Variants in KIAA0232 observed in about 807,000 individuals in gnomAD.
KIAA0232 encodes the protein KIAA0232.
In KIAA0232, 27 loss-of-function variants were observed where a neutral mutation model predicts 122.0. The observed-to-expected ratio is 0.22, with a 90% CI of 0.16 to 0.31. KIAA0232 has a LOEUF of 0.31. Among genes scored for constraint, KIAA0232 ranks in the 10% least tolerant of loss-of-function variants. The probability of loss-of-function intolerance (pLI) is 1.00; values close to 1 mark genes in which losing one functional copy is unlikely to be tolerated. For missense variants in KIAA0232, 1,551 were observed against 1,634.2 expected (o/e 0.95, Z 0.88); for synonymous variants, 613 against 587.6 (o/e 1.04, Z -0.63).
At chr4:6,797,914 C>T (rs888823558) in intron 1 of KIAA0232, among the ~76,000 whole-genome samples, 6 of 151,814 alleles carry the variant, frequency 4.0e-5, no homozygotes, top group African/African-American at 7.3e-5. Context: ...AAAAAATAGC[C>T]GGGCACAGTG....
At position 6,863,852 on chromosome 4, in the gene KIAA0232, A is replaced by G. The variant is rs535776558; in HGVS notation, c.3470A>G (p.Asp1157Gly). Residue 1157 changes from aspartate (D) to glycine (G), a missense_variant, in exon 7 of 10, where the codon GAT (aspartate) becomes GGT (glycine). Coordinates refer to ENST00000307659, the MANE Select transcript of KIAA0232 (RefSeq NM_014743.3). ...GCAGATCTCAAACCTTTGGAAGAAG[A>G]TGCAGAGAAAGAAGGCCATTACTAT... is the stretch of plus-strand genomic sequence containing the variant. Reference protein sequence around the residue: ...PQADLKPLEEDAEKEGHYYGK... With the variant: ...PQADLKPLEEGAEKEGHYYGK... 1 of 1,614,210 alleles carries G rather than the reference A, an allele frequency of 6.2e-7. No individual in the cohort carries two copies. The highest frequency in any genetic ancestry group is 2.2e-5 in the East Asian group (1 of 44,884).
rs149508515 is a variant in KIAA0232 at position 6,852,531 on chromosome 4, C to G, written c.370-4633C>G. On this transcript the variant is annotated intron_variant, in intron 4 of 9. Coordinates refer to ENST00000307659, the MANE Select transcript of KIAA0232 (RefSeq NM_014743.3). The stretch of plus-strand genomic sequence containing the variant: ...GTTTCCTACCACTAATCTTCCAACT[C>G]TGCTTTAAAGCTAAAGACTAAGATC... Among the ~76,000 whole-genome samples the G allele has an allele frequency of 7.2e-5, 11 of 152,248 alleles. No individual in the cohort carries two copies. In the East Asian group the frequency reaches 1.9e-3, roughly 27 times the overall value.
At chr4:6,796,550 CTTT>C (rs979555018) in intron 1 of KIAA0232, among the ~76,000 whole-genome samples, 2 of 152,136 alleles carry the variant, frequency 1.3e-5, no homozygotes, top group African/African-American at 4.8e-5. Flanking sequence ...CCATATTGTT[CTTT>C]TTTAAGTGAG....
intron 1 of KIAA0232, among the ~76,000 whole-genome samples, chr4:6,794,160 G>A (rs915855330): frequency 5.9e-5 from 9 of 152,226 alleles, no homozygotes; most frequent in African/African-American, 2.2e-4. Flanking sequence ...GAGAGGAGAG[G>A]AAGAGTGGCT....
At chr4:6,815,664 A>AG (rs1718086860) in intron 2 of KIAA0232, among the ~76,000 whole-genome samples, 1 of 152,208 alleles carries the variant, frequency 6.6e-6, no homozygotes, top group Non-Finnish European at 1.5e-5. Flanking sequence ...GTCTGAAGCT[A>AG]CTTGTCAGCC....
In KIAA0232 at chr4:6,861,819, G is replaced by C. The variant is rs1275716804; in HGVS notation, c.1437G>C (p.Glu479Asp). 2.5e-6 allele frequency: 4 copies of C among 1,613,898 alleles called. No individual in the cohort carries two copies. Among genetic ancestry groups the C allele is most frequent in the Non-Finnish European group, 3.4e-6 (4 of 1,179,976 alleles). The change falls in exon 7 of 10, where the codon GAG (glutamate) becomes GAC (aspartate). Residue 479 changes from glutamate to aspartate, a missense_variant. Coordinates refer to ENST00000307659, the MANE Select transcript of KIAA0232 (RefSeq NM_014743.3). ...TAGAAATGCCTGCAGTTATAAATGA[G>C]GATATTGACCTCACTGGGACCTCAT... ...HFVEMPAVINEDIDLTGTSLC... is the reference protein window; with the variant it reads ...HFVEMPAVINDDIDLTGTSLC...
chr4:6,870,137 C>T (rs2108825782), intron 7 of KIAA0232, among the ~76,000 whole-genome samples: 1 of 152,322 alleles, frequency 6.6e-6, no homozygotes, highest in East Asian at 1.9e-4. Flanking sequence ...CTTCTATTGA[C>T]CACACTACAA....
rs539783896 is a variant in KIAA0232, at chr4:6,789,819, G to T, written c.-354+6978G>T. Among the ~76,000 whole-genome samples, 5 of 152,232 alleles carry T rather than the reference G, an allele frequency of 3.3e-5. No homozygotes were observed. The East Asian group carries it at 9.6e-4, about 29-fold the overall frequency. On this transcript the variant is annotated intron_variant, in intron 1 of 9. Coordinates refer to ENST00000307659, the MANE Select transcript of KIAA0232 (RefSeq NM_014743.3). ...AGGTGGGAGGATCACTTGAGCCCAG[G>T]AGTTTGAGATGTGCCTGGGCAACAT...
At chr4:6,804,842 T>C (rs1448474940) in intron 2 of KIAA0232, among the ~76,000 whole-genome samples, 3 of 152,218 alleles carry the variant, frequency 2.0e-5, no homozygotes, top group Non-Finnish European at 4.4e-5. Context: ...GCCTTGCTTA[T>C]ATTAATAACT....
intron 1 of KIAA0232, among the ~76,000 whole-genome samples, chr4:6,792,576 A>G (rs2108880082): frequency 6.6e-6 from 1 of 152,280 alleles, no homozygotes; most frequent in Middle Eastern, 3.4e-3. Flanking sequence ...TATTAAGCTC[A>G]TAAAGTTTAT....
intron 1 of KIAA0232, among the ~76,000 whole-genome samples, chr4:6,803,530 G>A (rs1412012619): frequency 6.6e-6 from 1 of 152,060 alleles, no homozygotes; most frequent in Non-Finnish European, 1.5e-5. Context: ...GATTCATTTG[G>A]ATAAGATTAC....
chr4:6,877,380 G>T (rs1721815006), intron 9 of KIAA0232, among the ~76,000 whole-genome samples: 1 of 152,244 alleles, frequency 6.6e-6, no homozygotes, highest in East Asian at 1.9e-4. Context: ...CCCCGGTTAA[G>T]AGGCAGGCAG....
chr4:6,783,295 A>T (rs1213632106), intron 1 of KIAA0232, among the ~76,000 whole-genome samples: 1 of 152,170 alleles, frequency 6.6e-6, no homozygotes, highest in Non-Finnish European at 1.5e-5. Context: ...CCGGGACACC[A>T]GCTTGCGGCT....
intron 8 of KIAA0232, among the ~76,000 whole-genome samples, chr4:6,872,008 G>A (rs1577418024): frequency 3.9e-5 from 6 of 152,360 alleles, no homozygotes. Flanking sequence ...AGAGGCAGGA[G>A]GGTCGCCGCC....
chr4:6,849,002 C>T (rs913820801), intron 4 of KIAA0232, among the ~76,000 whole-genome samples: 1 of 152,180 alleles, frequency 6.6e-6, no homozygotes, highest in Non-Finnish European at 1.5e-5. Flanking sequence ...ATGCTAGGGA[C>T]TTGGGCTTTT....
intron 1 of KIAA0232, among the ~76,000 whole-genome samples, chr4:6,783,264 C>T (rs1307111939): frequency 5.9e-5 from 9 of 152,202 alleles, no homozygotes; most frequent in Non-Finnish European, 1.0e-4. Flanking sequence ...GCCCTGGGAC[C>T]CCCGCCCCGA....
At chr4:6,791,751 C>G (rs969946883) in intron 1 of KIAA0232, among the ~76,000 whole-genome samples, 2 of 152,088 alleles carry the variant, frequency 1.3e-5, no homozygotes, top group African/African-American at 4.8e-5. Flanking sequence ...AAAGAGTGTT[C>G]TTGTGTCATT....
At chr4:6,810,031 C>A (rs1417875255) in intron 2 of KIAA0232, among the ~76,000 whole-genome samples, 4 of 152,160 alleles carry the variant, frequency 2.6e-5, no homozygotes, top group East Asian at 1.9e-4. Flanking sequence ...TTCAATGTAA[C>A]CCCTATCAAA....
intron 4 of KIAA0232, among the ~76,000 whole-genome samples, chr4:6,849,570 C>G (rs1192854763): frequency 2.0e-5 from 3 of 152,114 alleles, no homozygotes; most frequent in Non-Finnish European, 2.9e-5. Flanking sequence ...GAGCTGAGAT[C>G]GTGCCACTGC....
Sources: allele counts gnomAD v4.1 joint callset (sites outside exome capture counted in the v4.1 genomes callset), GRCh38; gene constraint gnomAD v4.1.1; transcripts MANE v1.5; gene names NCBI Gene and HGNC (gene_info 2026-07-23, HGNC 2026-07-21).